USP53: variants seen among roughly 807,000 people sequenced by gnomAD.
USP53 encodes the protein ubiquitin specific peptidase 53, also known as ubiquitin carboxyl-terminal hydrolase 53.
In USP53, 71 loss-of-function variants were observed where a neutral mutation model predicts 94.9. That is an observed-to-expected ratio of 0.75 (90% CI 0.62 to 0.91). The LOEUF (loss-of-function observed/expected upper bound fraction) is 0.91. Among genes scored for constraint, USP53 ranks in the 40% least tolerant of loss-of-function variants. USP53 has a pLI of 0.00. For missense variants in USP53, 1,173 were observed against 1,281.0 expected (o/e 0.92, Z 1.29); for synonymous variants, 375 against 422.7 (o/e 0.89, Z 1.39).
chr4:119,221,090 G>A (rs1416590249), intron 3 of USP53: 1 of 152,088 alleles, frequency 6.6e-6, no homozygotes, highest in African/African-American at 2.4e-5. Flanking sequence ...ATTGGACAAC[G>A]TAGAGACAAA....
intron 2 of USP53, among the ~76,000 whole-genome samples, chr4:119,216,757 A>AAC (rs1254038830): frequency 1.3e-5 from 2 of 152,232 alleles, no homozygotes; most frequent in Non-Finnish European, 2.9e-5. Context: ...TATTTCATTG[A>AAC]ACAATTTATC....
intron 7 of USP53, among the ~76,000 whole-genome samples, chr4:119,253,702 C>T (rs1749358666): frequency 6.6e-6 from 1 of 152,038 alleles, no homozygotes; most frequent in South Asian, 2.1e-4. Context: ...TTAATTGGGG[C>T]CTTTAGCCCA....
At position 119,261,838 on chromosome 4, in the gene USP53, T is replaced by C; in HGVS notation, c.946T>C (p.Phe316Leu). ...TCACACCAAAAGTTCCAAATGGGTA[T>C]TTTTTGATGATGCAAATGTGAAAGA... is the stretch of plus-strand genomic sequence containing the variant. Reference protein sequence around the residue: ...AFHTKSSKWVFFDDANVKEIG... With the variant: ...AFHTKSSKWVLFDDANVKEIG... The change falls in exon 12 of 19, where the codon TTT (phenylalanine) becomes CTT (leucine). Residue 316 changes from phenylalanine (F) to leucine (L), a missense_variant. Coordinates refer to ENST00000692078, the MANE Select transcript of USP53 (RefSeq NM_001371395.1). 1.3e-6 allele frequency: 2 copies of C among 1,487,894 alleles called. No homozygotes were observed. Among genetic ancestry groups the C allele is most frequent in the Non-Finnish European group, 1.8e-6 (2 of 1,099,466 alleles). The allele number at this position is 1,487,894 out of a possible 1,614,324, so 92.2% of individuals were successfully genotyped here.
chr4:119,231,994 T>C (rs138195459), intron 3 of USP53, among the ~76,000 whole-genome samples: 2 of 152,130 alleles, frequency 1.3e-5, no homozygotes, highest in Non-Finnish European at 2.9e-5. Context: ...CCCACTCTTA[T>C]CAGTGTGGTA....
chr4:119,271,313 C>T lies in USP53; in HGVS notation c.1453C>T (p.Leu485Phe). The change falls in exon 16 of 19, where the codon CTT (leucine) becomes TTT (phenylalanine). Residue 485 changes from leucine to phenylalanine, a missense_variant. Coordinates refer to ENST00000692078, the MANE Select transcript of USP53 (RefSeq NM_001371395.1). ...TTTTTAAGATTTGGTTGATGAAGAC[C>T]TTTCACATTTCCAATCTGGATCACC... The part of the protein sequence containing the change: ...GRHRDLVDED[L>F]SHFQSGSPPA... The T allele has an allele frequency of 6.4e-7, 1 of 1,560,128 alleles. No homozygotes were observed. Among genetic ancestry groups the T allele is most frequent in the Admixed American group, 2.1e-5 (1 of 47,420 alleles).
At chr4:119,280,207 G>A (rs1014373000) in intron 17 of USP53, among the ~76,000 whole-genome samples, 1 of 151,662 alleles carries the variant, frequency 6.6e-6, no homozygotes, top group Non-Finnish European at 1.5e-5. Flanking sequence ...TTTTGATTTA[G>A]ATGATGAAGT....
intron 3 of USP53, among the ~76,000 whole-genome samples, chr4:119,231,204 A>G (rs1239470793): frequency 6.6e-6 from 1 of 152,232 alleles, no homozygotes; most frequent in Non-Finnish European, 1.5e-5. Flanking sequence ...ATGCAGAGGT[A>G]ACATAAAATT....
intron 3 of USP53, chr4:119,219,797 C>G (rs1209500825): frequency 2.0e-5 from 3 of 152,120 alleles, no homozygotes; most frequent in Non-Finnish European, 4.4e-5. Flanking sequence ...GTTTGATAGT[C>G]TTGTCTAGGG....
chr4:119,222,062 G>A (rs573426479), intron 3 of USP53, among the ~76,000 whole-genome samples: 11 of 152,226 alleles, frequency 7.2e-5, no homozygotes, highest in African/African-American at 2.4e-4. Context: ...GCTATTTGGT[G>A]ATTTTTCAAG....
chr4:119,269,270 T>C (rs955225143), intron 14 of USP53, among the ~76,000 whole-genome samples: 6 of 152,202 alleles, frequency 3.9e-5, no homozygotes, highest in African/African-American at 1.4e-4. Flanking sequence ...TGGGTTCATA[T>C]TCCTGGTTCT....
intron 3 of USP53, among the ~76,000 whole-genome samples, chr4:119,225,087 A>C (rs1299071803): frequency 6.6e-6 from 1 of 152,150 alleles, no homozygotes; most frequent in Non-Finnish European, 1.5e-5. Context: ...GAAGATACAA[A>C]TTAACAGTAT....
Position 119,259,887 on chromosome 4 carries a change from C to T in USP53, c.637C>T (p.Gln213Ter). The T allele has an allele frequency of 1.2e-6, 2 of 1,612,050 alleles. No individual in the cohort carries two copies. Among genetic ancestry groups the T allele is most frequent in the Non-Finnish European group, 1.7e-6 (2 of 1,179,012 alleles). ...ACCTGAAATGTTTGCAGAATTGCTACAAGCAGCAAATACAACAGATGACTA... is the reference window on the plus strand; with the variant it reads ...ACCTGAAATGTTTGCAGAATTGCTATAAGCAGCAAATACAACAGATGACTA... ...FKPEMFAELL[Q>*]AANTTDDYRK... The change falls in exon 10 of 19, where the codon CAA becomes TAA. Residue 213 changes from glutamine (Q) to a stop codon, truncating the protein, a stop_gained. Coordinates refer to ENST00000692078, the MANE Select transcript of USP53 (RefSeq NM_001371395.1). LOFTEE classifies it high-confidence loss of function.
intron 17 of USP53, among the ~76,000 whole-genome samples, chr4:119,286,651 T>C (rs1171271411): frequency 6.6e-6 from 1 of 152,088 alleles, no homozygotes; most frequent in African/African-American, 2.4e-5. Context: ...AATATTTACT[T>C]GTTTCTTGTT....
intron 11 of USP53, among the ~76,000 whole-genome samples, 200 bp downstream of exon 11, chr4:119,260,853 T>A (rs1750404337): frequency 6.6e-6 from 1 of 152,154 alleles, no homozygotes; most frequent in South Asian, 2.1e-4. Flanking sequence ...ATCATGATGA[T>A]TGATGATTTT....
At chr4:119,228,800 T>C (rs1289004826) in intron 3 of USP53, among the ~76,000 whole-genome samples, 2 of 152,182 alleles carry the variant, frequency 1.3e-5, no homozygotes, top group Non-Finnish European at 2.9e-5. Flanking sequence ...AAAAATATTG[T>C]ACGTAGGAAA....
At chr4:119,243,444 G>A (rs1385935769) in intron 5 of USP53, among the ~76,000 whole-genome samples, 1 of 152,066 alleles carries the variant, frequency 6.6e-6, no homozygotes, top group Non-Finnish European at 1.5e-5. Flanking sequence ...GTTGCAGTGA[G>A]CCAAGATAGC....
chr4:119,222,903 T>C (rs529385489), intron 3 of USP53, among the ~76,000 whole-genome samples: 1 of 152,176 alleles, frequency 6.6e-6, no homozygotes, highest in African/African-American at 2.4e-5. Flanking sequence ...ATTTTTATAA[T>C]TATTTTTATG....
chr4:119,291,300 G>A (rs1452867146), intron 18 of USP53, 39 bp downstream of exon 18: 3 of 1,367,774 alleles, frequency 2.2e-6, no homozygotes, highest in Non-Finnish European at 1.0e-6. Context: ...TGTATTATAG[G>A]CACGTTGTTT....
At chr4:119,253,039 C>T (rs1022981317) in intron 7 of USP53, among the ~76,000 whole-genome samples, 3 of 151,946 alleles carry the variant, frequency 2.0e-5, no homozygotes, top group South Asian at 2.1e-4. Flanking sequence ...TCTAGTTGTG[C>T]GTATTTGAAT....
Sources: allele counts gnomAD v4.1 joint callset (sites outside exome capture counted in the v4.1 genomes callset), GRCh38; gene constraint gnomAD v4.1.1; transcripts MANE v1.5; gene names NCBI Gene and HGNC (gene_info 2026-07-23, HGNC 2026-07-21).